The following SPMAP2L variants were observed in gnomAD, a reference collection of about 807,000 sequenced individuals.
SPMAP2L encodes the protein sperm microtubule associated protein 2-like.
the SPMAP2L span, among the ~76,000 whole-genome samples, chr4:56,599,651 G>A: frequency 2.6e-5 from 4 of 152,162 alleles, no homozygotes; most frequent in African/African-American, 9.7e-5. Context: ...AGAACATGAA[G>A]TGTTTGGTTT....
the SPMAP2L span, among the ~76,000 whole-genome samples, chr4:56,603,698 A>T: frequency 6.6e-6 from 1 of 152,152 alleles, no homozygotes; most frequent in Non-Finnish European, 1.5e-5. Flanking sequence ...CCAGTAACTG[A>T]TCCTACCTCA....
the SPMAP2L span, among the ~76,000 whole-genome samples, chr4:56,561,573 A>C: frequency 0.7 from 106,842 of 151,852 alleles, 37,891 homozygotes; most frequent in Middle Eastern, 0.76. Context: ...TCTCATGGGC[A>C]CATTCCTGTT....
At chr4:56,603,335 C>T in the SPMAP2L span, 40 of 1,516,342 alleles carry the variant, frequency 2.6e-5, no homozygotes, top group Non-Finnish European at 3.5e-5. Context: ...TACAGAAAGC[C>T]ACAACAGTCA....
chr4:56,555,845 T>G, the SPMAP2L span, among the ~76,000 whole-genome samples: 2 of 152,196 alleles, frequency 1.3e-5, no homozygotes, highest in African/African-American at 4.8e-5. Context: ...GACTAAGTTT[T>G]AAGAGGCTTA....
the SPMAP2L span, among the ~76,000 whole-genome samples, chr4:56,586,677 G>A: frequency 6.6e-6 from 1 of 152,164 alleles, no homozygotes; most frequent in Non-Finnish European, 1.5e-5. Flanking sequence ...TTCTTGTCAG[G>A]AGAGCTGTTC....
At chr4:56,586,386 C>T in the SPMAP2L span, among the ~76,000 whole-genome samples, 1,760 of 152,232 alleles carry the variant, frequency 0.012, 40 homozygotes, top group African/African-American at 0.04. Flanking sequence ...AGAAAGATCT[C>T]TGGTCTCTCT....
At chr4:56,615,747 CAA>C in the SPMAP2L span, among the ~76,000 whole-genome samples, 1 of 138,944 alleles carries the variant, frequency 7.2e-6, no homozygotes, top group Admixed American at 6.9e-5. Context: ...GACTGTATCT[CAA>C]AACAAACAAA....
chr4:56,579,267 T>C, the SPMAP2L span, among the ~76,000 whole-genome samples: 5 of 152,172 alleles, frequency 3.3e-5, no homozygotes, highest in African/African-American at 7.2e-5. Context: ...ATCAATTCTC[T>C]GAACCAGTTC....
At chr4:56,531,681 A>G in the SPMAP2L span, among the ~76,000 whole-genome samples, 1 of 152,180 alleles carries the variant, frequency 6.6e-6, no homozygotes, top group African/African-American at 2.4e-5. Flanking sequence ...TGCATCTACA[A>G]AGTGCTCACG....
the SPMAP2L span, among the ~76,000 whole-genome samples, chr4:56,614,619 A>G: frequency 6.6e-6 from 1 of 151,856 alleles, no homozygotes; most frequent in Non-Finnish European, 1.5e-5. Flanking sequence ...GTGCCACTGA[A>G]CTCCAGCCTG....
chr4:56,586,129 G>A, the SPMAP2L span, among the ~76,000 whole-genome samples: 2 of 152,180 alleles, frequency 1.3e-5, no homozygotes, highest in African/African-American at 4.8e-5. Context: ...GTCTGAAATG[G>A]TGGGGGGCTG....
At chr4:56,567,587 C>G in the SPMAP2L span, among the ~76,000 whole-genome samples, 1 of 151,682 alleles carries the variant, frequency 6.6e-6, no homozygotes, top group African/African-American at 2.4e-5. Flanking sequence ...CCATGCCCAG[C>G]TTATACTTCT....
the SPMAP2L span, among the ~76,000 whole-genome samples, chr4:56,581,689 A>G: frequency 6.6e-6 from 1 of 152,088 alleles, no homozygotes; most frequent in African/African-American, 2.4e-5. Context: ...TAAAGTTCAT[A>G]TAGAAATGCA....
At chr4:56,584,639 T>C in the SPMAP2L span, 5 of 1,437,306 alleles carry the variant, frequency 3.5e-6, no homozygotes, top group Non-Finnish European at 4.7e-6. Flanking sequence ...GAAGAAACAG[T>C]TCCTGATTGA....
At chr4:56,622,251 C>T in the SPMAP2L span, among the ~76,000 whole-genome samples, 1 of 152,224 alleles carries the variant, frequency 6.6e-6, no homozygotes, top group Non-Finnish European at 1.5e-5. Context: ...GACTCATCCA[C>T]ACAAATCAGG....
At chr4:56,530,896 G>A in the SPMAP2L span, 5 of 1,535,038 alleles carry the variant, frequency 3.3e-6, no homozygotes, top group Non-Finnish European at 3.5e-6. Context: ...AGACGAGTCC[G>A]AGGAATGTGA....
At chr4:56,585,853 C>A in the SPMAP2L span, among the ~76,000 whole-genome samples, 1 of 152,180 alleles carries the variant, frequency 6.6e-6, no homozygotes, top group East Asian at 1.9e-4. Flanking sequence ...GCAATAGGAT[C>A]ATTAATGCCT....
At chr4:56,617,668 G>T in the SPMAP2L span, among the ~76,000 whole-genome samples, 1 of 152,052 alleles carries the variant, frequency 6.6e-6, no homozygotes, top group Non-Finnish European at 1.5e-5. Flanking sequence ...GACAACATAG[G>T]CGGCTTGTGT....
At chr4:56,613,978 G>A in the SPMAP2L span, among the ~76,000 whole-genome samples, 1 of 152,202 alleles carries the variant, frequency 6.6e-6, no homozygotes, top group South Asian at 2.1e-4. Context: ...ATAGGCTGTG[G>A]ACAAAGCAAA....
Sources: gnomAD v4.1 joint callset for allele counts (sites outside exome capture counted in the v4.1 genomes callset) on GRCh38, gnomAD v4.1.1 for gene constraint, MANE v1.5 for transcripts, NCBI Gene and HGNC (gene_info 2026-07-23, HGNC 2026-07-21) for gene names.